Variants in TRIM33 observed in about 807,000 individuals in gnomAD.
TRIM33 encodes tripartite motif containing 33, also known as E3 ubiquitin-protein ligase TRIM33.
In TRIM33, 20 loss-of-function variants were observed where a neutral mutation model predicts 125.4. That is an observed-to-expected ratio of 0.16 (90% CI 0.11 to 0.23). The LOEUF (loss-of-function observed/expected upper bound fraction) is 0.23, where lower values mean the gene tolerates loss of function less well. Ranked by LOEUF, TRIM33 falls within the 10% of genes least tolerant of loss-of-function variation. The probability of loss-of-function intolerance (pLI) is 1.00; values close to 1 mark genes in which losing one functional copy is unlikely to be tolerated. For missense variants in TRIM33, 920 were observed against 1,411.4 expected, an observed-to-expected ratio of 0.65 and a Z score of 5.58; for synonymous variants, 564 against 513.9, an observed-to-expected ratio of 1.10 and a Z score of -1.32.
At chr1:114,484,628 C>T (rs920154319) in intron 1 of TRIM33, among the ~76,000 whole-genome samples, 2 of 151,912 alleles carry the variant, frequency 1.3e-5, no homozygotes, top group African/African-American at 2.4e-5. Flanking sequence ...TTTGGGAGGC[C>T]GAGGCAGACA....
rs529525845 is a variant in TRIM33 at position 114,507,038 on chromosome 1, T to C, written c.526+3513A>G. Among the ~76,000 whole-genome samples, 18 of 152,362 alleles carry C rather than the reference T, an allele frequency of 1.2e-4. 1 individual carries two copies. Among genetic ancestry groups the C allele is most frequent in the South Asian group, 4.1e-4 (2 of 4,830 alleles). ...ATTTATTGAACAGTCTACAATATCC[T>C]AGTGCAAAGTGAGACGGGCAAGTAA... is the stretch of plus-strand genomic sequence containing the variant. On this transcript the variant is annotated intron_variant, in intron 1 of 19. Transcript: ENST00000358465.
chr1:114,463,328 T>C, intron 3 of TRIM33, 84 bp downstream of exon 3: 1 of 1,554,572 alleles, frequency 6.4e-7, no homozygotes, highest in Non-Finnish European at 8.7e-7. Flanking sequence ...CCAAAGTTTA[T>C]AAAGAATAAG....
chr1:114,454,521 A>G (rs1649514975), intron 4 of TRIM33, among the ~76,000 whole-genome samples: 1 of 151,780 alleles, frequency 6.6e-6, no homozygotes, highest in Admixed American at 6.6e-5. Context: ...CTTCATCTCT[A>G]CAAAAAAATA....
chr1:114,479,795 C>A (rs1651190549), intron 1 of TRIM33, among the ~76,000 whole-genome samples: 1 of 152,204 alleles, frequency 6.6e-6, no homozygotes, highest in African/African-American at 2.4e-5. Context: ...TCATAATTAG[C>A]CGCCCCATCC....
chr1:114,481,655 GTGTGTGTA>G (rs1268614282), intron 1 of TRIM33, among the ~76,000 whole-genome samples: 3 of 142,182 alleles, frequency 2.1e-5, no homozygotes, highest in African/African-American at 8.1e-5. Flanking sequence ...GTGTGTGTGT[GTGTGTGTA>G]TATATATGTG....
At chr1:114,436,418 A>C (rs1648304089) in intron 4 of TRIM33, among the ~76,000 whole-genome samples, 1 of 151,214 alleles carries the variant, frequency 6.6e-6, no homozygotes, top group Non-Finnish European at 1.5e-5. Flanking sequence ...AAAAAAAAAA[A>C]AAAAAAGATA....
intron 1 of TRIM33, among the ~76,000 whole-genome samples, chr1:114,473,358 A>G (rs1216553429): frequency 6.6e-6 from 1 of 152,032 alleles, no homozygotes; most frequent in Admixed American, 6.6e-5. Flanking sequence ...GCACACCTGG[A>G]CAAGGGAGGG....
chr1:114,494,749 C>T (rs890957926), intron 1 of TRIM33, among the ~76,000 whole-genome samples: 7 of 152,160 alleles, frequency 4.6e-5, no homozygotes, highest in Non-Finnish European at 1.0e-4. Flanking sequence ...AACTATAATG[C>T]TAGTTTACTT....
intron 13 of TRIM33, among the ~76,000 whole-genome samples, chr1:114,407,629 A>C (rs553484803): frequency 2.0e-5 from 3 of 152,346 alleles, no homozygotes; most frequent in East Asian, 1.9e-4. Context: ...AGGACTAAGG[A>C]GCAAGCCTGA....
intron 12 of TRIM33, among the ~76,000 whole-genome samples, chr1:114,409,132 G>T (rs1270499237): frequency 3.3e-5 from 5 of 152,140 alleles, no homozygotes; most frequent in Admixed American, 6.5e-5. Flanking sequence ...TGCATCTCAT[G>T]GAAAATCCAT....
chr1:114,452,930 C>A (rs1415369207), intron 4 of TRIM33, among the ~76,000 whole-genome samples: 6 of 151,480 alleles, frequency 4.0e-5, no homozygotes, highest in Admixed American at 4.0e-4. Flanking sequence ...CCAGAAGAGA[C>A]AGAAGACCTG....
intron 4 of TRIM33, among the ~76,000 whole-genome samples, chr1:114,443,528 C>T (rs7552912): frequency 0.02 from 3,009 of 152,280 alleles, 92 homozygotes; most frequent in African/African-American, 0.069. Flanking sequence ...TGGGCCACTG[C>T]ACCCTGATGA....
Position 114,464,401 on chromosome 1 carries a change from A to T in TRIM33, c.527-13T>A. 7.1e-7 allele frequency: 1 copy of T among 1,404,890 alleles called. No individual in the cohort carries two copies. Among genetic ancestry groups the T allele is most frequent in the Non-Finnish European group, 9.8e-7 (1 of 1,016,260 alleles). The allele number at this position is 1,404,890 out of a possible 1,614,324, so 87.0% of individuals were successfully genotyped here. A position where few individuals can be genotyped will look rare whatever the true frequency, so the allele number is the denominator to read the frequency against. On this transcript the variant is annotated splice_polypyrimidine_tract_variant and intron_variant, in intron 1 of 19. Coordinates refer to ENST00000358465, the MANE Select transcript of TRIM33 (RefSeq NM_015906.4). ...CGTATTACACCAACTACAACATAAAATAACAACATTTTAAAATATTCTTCA... is the reference window on the plus strand; with the variant it reads ...CGTATTACACCAACTACAACATAAATTAACAACATTTTAAAATATTCTTCA...
rs541610337 is a variant in TRIM33 at position 114,485,037 on chromosome 1, G to A, written c.527-20649C>T. 9.3e-5 allele frequency among the ~76,000 whole-genome samples: 14 copies of A among 151,120 alleles called. No individual in the cohort carries two copies. The East Asian group carries it at 2.7e-3, about 29-fold the overall frequency. ...ACTGCACTCCCGCCTGGGAGACAGA[G>A]TGAGACTCTGTCTTTTAAAAAAAAA... is the stretch of plus-strand genomic sequence containing the variant. On this transcript the variant is annotated intron_variant, in intron 1 of 19. Coordinates refer to ENST00000358465, the MANE Select transcript of TRIM33 (RefSeq NM_015906.4).
intron 11 of TRIM33, among the ~76,000 whole-genome samples, chr1:114,412,922 C>T (rs939767181): frequency 6.6e-6 from 1 of 152,102 alleles, no homozygotes; most frequent in African/African-American, 2.4e-5. Context: ...TTAAAGAAAC[C>T]GCTGAACTTT....
rs897000629 is a variant in TRIM33, at chr1:114,437,704, AATAAAGTAAAAATG to A, written c.924-3985_924-3972del. On this transcript the variant is annotated intron_variant, in intron 4 of 19. Coordinates refer to ENST00000358465, the MANE Select transcript of TRIM33 (RefSeq NM_015906.4). ...ATTCTCCATATTTCAAAATAGGTAA[AATAAAGTAAAAATG>A]ATGTATGCCCAGGATTTAGTTAGGA... Among the ~76,000 whole-genome samples, 68 of 152,324 alleles carry A rather than the reference AATAAAGTAAAAATG, an allele frequency of 4.5e-4. 1 individual carries two copies. The highest frequency in any genetic ancestry group is 1.5e-3 in the African/African-American group (64 of 41,560).
intron 5 of TRIM33, among the ~76,000 whole-genome samples, chr1:114,432,867 C>T (rs1338478445): frequency 6.6e-6 from 1 of 152,086 alleles, no homozygotes; most frequent in Admixed American, 6.5e-5. Context: ...TGAGCATCTA[C>T]TATGTGTCAT....
intron 4 of TRIM33, among the ~76,000 whole-genome samples, chr1:114,452,343 C>G (rs1649360233): frequency 6.6e-6 from 1 of 152,030 alleles, no homozygotes; most frequent in African/African-American, 2.4e-5. Flanking sequence ...GCCTGTAGTC[C>G]AAGCTACTCA....
At chr1:114,501,686 AC>A (rs1652729321) in intron 1 of TRIM33, among the ~76,000 whole-genome samples, 1 of 152,204 alleles carries the variant, frequency 6.6e-6, no homozygotes, top group Admixed American at 6.5e-5. Context: ...TAAATCTTCA[AC>A]CTACATCATC....
Sources: gnomAD v4.1 joint callset for allele counts (sites outside exome capture counted in the v4.1 genomes callset) on GRCh38, gnomAD v4.1.1 for gene constraint, MANE v1.5 for transcripts, NCBI Gene and HGNC (gene_info 2026-07-23, HGNC 2026-07-21) for gene names.